The following CCDC138 variants were observed in gnomAD, a reference collection of about 807,000 sequenced individuals.
CCDC138 encodes coiled-coil domain-containing protein 138.
Under a neutral mutation model 82.3 loss-of-function variants are expected in CCDC138, and 66 were observed. The ratio of observed to expected loss-of-function variants is 0.80; its 90% CI spans 0.66 to 0.98. The LOEUF is 0.98. Ranked by LOEUF, CCDC138 falls within the 50% of genes least tolerant of loss-of-function variation. The pLI is 0.00. For missense variants in CCDC138, 816 were observed against 758.9 expected, an observed-to-expected ratio of 1.08 and a Z score of -0.88; for synonymous variants, 297 against 265.4, an observed-to-expected ratio of 1.12 and a Z score of -1.16.
At chr2:108,877,350 T>C (rs1053002776), downstream of CCDC138, among the ~76,000 whole-genome samples, 4 of 151,476 alleles carry the variant, frequency 2.6e-5, no homozygotes, top group Non-Finnish European at 5.9e-5. Flanking sequence ...CCTGTGATCC[T>C]AGCTACTCGG....
At chr2:108,859,175 A>G (rs912384566) in intron 13 of CCDC138, among the ~76,000 whole-genome samples, 22 of 152,274 alleles carry the variant, frequency 1.4e-4, no homozygotes, top group African/African-American at 4.6e-4. Context: ...ATTTTTAAAT[A>G]TATTTGTTGG....
intron 7 of CCDC138, among the ~76,000 whole-genome samples, chr2:108,809,212 A>C (rs1683351929): frequency 6.6e-6 from 1 of 152,186 alleles, no homozygotes; most frequent in Non-Finnish European, 1.5e-5. Flanking sequence ...TGTTCTGGTT[A>C]CTACAGTTTT....
At chr2:108,787,504 A>G (rs931616377) in intron 1 of CCDC138, among the ~76,000 whole-genome samples, 2 of 152,210 alleles carry the variant, frequency 1.3e-5, no homozygotes, top group African/African-American at 4.8e-5. Flanking sequence ...TAACCACAGT[A>G]ATATTTTCAG....
chr2:108,879,301 T>C (rs1321909175), downstream of CCDC138, among the ~76,000 whole-genome samples: 1 of 152,196 alleles, frequency 6.6e-6, no homozygotes, highest in Admixed American at 6.5e-5. Context: ...ATCAAAGAAT[T>C]CTTTTTTAAA....
chr2:108,858,382 GC>G (rs2104706396), intron 13 of CCDC138, among the ~76,000 whole-genome samples: 1 of 152,162 alleles, frequency 6.6e-6, no homozygotes, highest in Non-Finnish European at 1.5e-5. Flanking sequence ...CCAACGCTGT[GC>G]CCTTGTTGTT....
At chr2:108,858,781 C>T (rs1208324464) in intron 13 of CCDC138, among the ~76,000 whole-genome samples, 1 of 151,584 alleles carries the variant, frequency 6.6e-6, no homozygotes, top group Non-Finnish European at 1.5e-5. Flanking sequence ...GAGGTTTGGG[C>T]TTCAACTGAA....
In CCDC138 at chr2:108,873,513, C is replaced by G. The variant is rs750249293; in HGVS notation, c.1756C>G (p.Leu586Val). 1.2e-6 allele frequency: 2 copies of G among 1,612,496 alleles called. No individual in the cohort carries two copies. The highest frequency in any genetic ancestry group is 4.5e-5 in the East Asian group (2 of 44,844). ...TTTATTTTTTCGTACTTGCTCTGTG[C>G]TGCTTCGAGCCCCTAAGCTTGATCT... ...NSLFFRTCSV[L>V]LRAPKLDLQI... Residue 586 changes from leucine to valine, a missense_variant, in exon 14 of 15, where the codon CTG becomes GTG. By Grantham distance (32) the Leu-to-Val change is conservative (BLOSUM62 1). Transcript: ENST00000295124.
At chr2:108,804,385 CAT>C (rs1194651560) in intron 6 of CCDC138, among the ~76,000 whole-genome samples, 6 of 152,080 alleles carry the variant, frequency 3.9e-5, no homozygotes, top group African/African-American at 9.7e-5. Flanking sequence ...ATGTATCTAA[CAT>C]ATTTTGAGAT....
intron 3 of CCDC138, among the ~76,000 whole-genome samples, chr2:108,790,658 G>A (rs939655003): frequency 2.6e-5 from 4 of 152,244 alleles, no homozygotes; most frequent in Middle Eastern, 3.4e-3. Flanking sequence ...CCGAGATCGC[G>A]CCACTGCACT....
At chr2:108,824,113 C>G (rs2150103796) in intron 10 of CCDC138, among the ~76,000 whole-genome samples, 1 of 151,978 alleles carries the variant, frequency 6.6e-6, no homozygotes, top group Non-Finnish European at 1.5e-5. Context: ...GACATGCAGG[C>G]TACAGTAAAT....
intron 12 of CCDC138, among the ~76,000 whole-genome samples, chr2:108,852,901 A>T (rs931253282): frequency 9.9e-5 from 15 of 152,142 alleles, no homozygotes; most frequent in Admixed American, 2.0e-4. Flanking sequence ...AAAATAAAAT[A>T]AAAAAACCCA....
At chr2:108,840,584 C>A (rs1689285223) in intron 11 of CCDC138, among the ~76,000 whole-genome samples, 1 of 152,110 alleles carries the variant, frequency 6.6e-6, no homozygotes, top group Non-Finnish European at 1.5e-5. Flanking sequence ...CTGAACCATT[C>A]AAATGTATGC....
At chr2:108,811,201 TCCCTTGCTA>T (rs1437845478) in intron 7 of CCDC138, among the ~76,000 whole-genome samples, 1 of 149,258 alleles carries the variant, frequency 6.7e-6, no homozygotes, top group African/African-American at 2.5e-5. Flanking sequence ...TTCCCTTCCT[TCCCTTGCTA>T]CTATTTCTTC....
intron 9 of CCDC138, among the ~76,000 whole-genome samples, chr2:108,815,418 G>T: frequency 7.3e-6 from 1 of 137,888 alleles, no homozygotes; most frequent in Non-Finnish European, 1.6e-5. Flanking sequence ...TCTCTCAGTT[G>T]TCATTTAACA....
At chr2:108,875,401 A>G (rs1453816038) in intron 14 of CCDC138, among the ~76,000 whole-genome samples, 1 of 152,070 alleles carries the variant, frequency 6.6e-6, no homozygotes, top group Non-Finnish European at 1.5e-5. Flanking sequence ...ATGGTTGAAC[A>G]AGTATTCTAT....
chr2:108,873,737 C>T (rs13386386), intron 14 of CCDC138, 148 bp downstream of exon 14: 9,785 of 550,598 alleles, frequency 0.018, 450 homozygotes, highest in African/African-American at 0.084. Context: ...CTAACACTAA[C>T]GATAGCTGAT....
At position 108,846,780 on chromosome 2, in the gene CCDC138, A is replaced by AT. The variant is rs1169347385; in HGVS notation, c.1371dup (p.Lys458Ter). Reference sequence around the variant, plus strand: ...AACATTGAGGAGATTGGGTGAAGACATTTTTAAAGGAGTGGTAACTAAAGG... The same window carrying AT: ...AACATTGAGGAGATTGGGTGAAGACATTTTTTAAAGGAGTGGTAACTAAAGG... On this transcript the variant is annotated frameshift_variant, in exon 12 of 15. Coordinates refer to ENST00000295124, the MANE Select transcript of CCDC138 (RefSeq NM_144978.3). LOFTEE classifies it high-confidence loss of function. 6.2e-7 allele frequency: 1 copy of AT among 1,612,966 alleles called. No individual in the cohort carries two copies. Among genetic ancestry groups the AT allele is most frequent in the Non-Finnish European group, 8.5e-7 (1 of 1,179,302 alleles).
downstream of CCDC138, among the ~76,000 whole-genome samples, chr2:108,877,377 A>G (rs1405015428): frequency 1.3e-5 from 2 of 152,070 alleles, no homozygotes; most frequent in African/African-American, 2.4e-5. Context: ...GAGGCAGGAG[A>G]ACCACTTCAA....
At chr2:108,845,294 C>T (rs1382747691) in intron 11 of CCDC138, among the ~76,000 whole-genome samples, 1 of 152,056 alleles carries the variant, frequency 6.6e-6, no homozygotes, top group Non-Finnish European at 1.5e-5. Context: ...TCTGACCACT[C>T]AACCATTTGG....
Sources: gnomAD v4.1 joint callset for allele counts (sites outside exome capture counted in the v4.1 genomes callset) on GRCh38, gnomAD v4.1.1 for gene constraint, MANE v1.5 for transcripts, NCBI Gene and HGNC (gene_info 2026-07-23, HGNC 2026-07-21) for gene names.